The following LRP1B variants were observed in gnomAD, a reference collection of about 807,000 sequenced individuals.
The protein encoded by LRP1B is low-density lipoprotein receptor-related protein 1B.
A neutral mutation model predicts 556.6 loss-of-function variants in LRP1B; 217 were observed. The observed-to-expected ratio is 0.39, with a 90% CI of 0.35 to 0.44. LRP1B has a LOEUF of 0.44. Ranked by LOEUF, LRP1B falls within the 20% of genes least tolerant of loss-of-function variation. The probability of loss-of-function intolerance (pLI) is 1.00; values close to 1 mark genes in which losing one functional copy is unlikely to be tolerated. For synonymous variants in LRP1B, 2,047 were observed against 1,865.8 expected (o/e 1.10, Z -2.50); for missense variants, 5,053 against 5,620.8 (o/e 0.90, Z 3.23).
chr2:141,085,501 A>G (rs1048553850), intron 7 of LRP1B, among the ~76,000 whole-genome samples: 1 of 152,186 alleles, frequency 6.6e-6, no homozygotes, highest in African/African-American at 2.4e-5. Context: ...GAATGCACAC[A>G]CCGAGGAAAG....
chr2:141,096,118 TA>T (rs1480196856), intron 7 of LRP1B, among the ~76,000 whole-genome samples: 3 of 152,128 alleles, frequency 2.0e-5, no homozygotes, highest in African/African-American at 7.2e-5. Flanking sequence ...TCTTGAACGC[TA>T]AATATTTCTT....
At position 141,522,512 on chromosome 2, in the gene LRP1B, A is replaced by G. The variant is rs529024185; in HGVS notation, c.206-41979T>C. ...TATGAAGGTGCATCTTGAAGATCAG[A>G]TCGTATCTATATCTTGGCCTGGAAG... On this transcript the variant is annotated intron_variant, in intron 2 of 90. Transcript: ENST00000389484. 7.2e-5 allele frequency among the ~76,000 whole-genome samples: 11 copies of G among 152,270 alleles called. No homozygotes were observed. The South Asian group carries it at 2.1e-3, about 29-fold the overall frequency.
chr2:141,471,280 T>TG lies in LRP1B; in HGVS notation c.343+9115_343+9116insC, dbSNP rs1402224023. Among the ~76,000 whole-genome samples the TG allele has an allele frequency of 2.7e-3, 397 of 145,696 alleles. 1 individual carries two copies. The highest frequency in any genetic ancestry group is 6.3e-3 in the East Asian group (30 of 4,736). ...AATATACCCTGGTATTTTTTTTTTT[T>TG]TTTTTTTTTTTTTTACTCTCTTGCT... is the stretch of plus-strand genomic sequence containing the variant. On this transcript the variant is annotated intron_variant, in intron 3 of 90. Coordinates refer to ENST00000389484, the MANE Select transcript of LRP1B (RefSeq NM_018557.3).
intron 2 of LRP1B, among the ~76,000 whole-genome samples, chr2:141,723,445 T>C (rs1441932934): frequency 6.6e-6 from 1 of 151,514 alleles, no homozygotes; most frequent in Non-Finnish European, 1.5e-5. Flanking sequence ...ACTTAATTCT[T>C]TGGGTTCATT....
chr2:142,084,590 A>C (rs1705839734), intron 1 of LRP1B, among the ~76,000 whole-genome samples: 1 of 152,096 alleles, frequency 6.6e-6, no homozygotes, highest in Non-Finnish European at 1.5e-5. Flanking sequence ...CCAATCACCA[A>C]GTCCTATTAA....
At chr2:140,264,762 T>C (rs947744025) in intron 86 of LRP1B, among the ~76,000 whole-genome samples, 62 of 150,724 alleles carry the variant, frequency 4.1e-4, no homozygotes, top group African/African-American at 1.4e-3. Flanking sequence ...CCCACTGAAA[T>C]TTAATTTATT....
chr2:141,319,143 G>A (rs1351363798), intron 3 of LRP1B, among the ~76,000 whole-genome samples: 2 of 151,932 alleles, frequency 1.3e-5, no homozygotes, highest in African/African-American at 2.4e-5. Flanking sequence ...ACTATATTGT[G>A]TATTTGAGTA....
rs779646780 is a variant in LRP1B at position 140,234,832 on chromosome 2, G to A, written c.13613C>T (p.Pro4538Leu). The A allele has an allele frequency of 1.3e-6, 1 of 775,712 alleles. No individual in the cohort carries two copies. Among genetic ancestry groups the A allele is most frequent in the Middle Eastern group, 2.3e-4 (1 of 4,400 alleles). 48.1% of individuals were successfully genotyped at this position (775,712 alleles called of 1,614,324 possible). A position where few individuals can be genotyped will look rare whatever the true frequency, so the allele number is the denominator to read the frequency against. ...CAAATCAGAGTTTAGGTAGATGGGC[G>A]GCGCTGTGTGTGGAAGCTTGAAAGC... The part of the protein sequence containing the change: ...PSAFKLPHTA[P>L]PIYLNSDLKG... The change falls in exon 90 of 91, where the codon CCG becomes CTG. Residue 4538 changes from proline (P) to leucine (L), a missense_variant. Pro to Leu is a moderately conservative substitution (Grantham distance 98). Coordinates refer to ENST00000389484, the MANE Select transcript of LRP1B (RefSeq NM_018557.3).
At chr2:140,582,988 AATACT>A (rs1681832659) in intron 43 of LRP1B, among the ~76,000 whole-genome samples, 1 of 152,038 alleles carries the variant, frequency 6.6e-6, no homozygotes, top group South Asian at 2.1e-4. Flanking sequence ...CCTACAAATA[AATACT>A]AGGGTACTTT....
At chr2:140,633,583 T>C (rs1683970907) in intron 41 of LRP1B, among the ~76,000 whole-genome samples, 1 of 152,140 alleles carries the variant, frequency 6.6e-6, no homozygotes, top group African/African-American at 2.4e-5. Flanking sequence ...TACAGTGGAT[T>C]CATTTTTTTA....
intron 2 of LRP1B, among the ~76,000 whole-genome samples, chr2:141,637,115 G>T (rs567056980): frequency 6.6e-6 from 1 of 152,006 alleles, no homozygotes; most frequent in Non-Finnish European, 1.5e-5. Context: ...GACAGAAAAC[G>T]CACAGAGTTA....
intron 7 of LRP1B, among the ~76,000 whole-genome samples, chr2:141,105,303 G>T (rs552187772): frequency 2.6e-5 from 4 of 151,976 alleles, no homozygotes; most frequent in African/African-American, 9.6e-5. Context: ...TGAATTTTTG[G>T]TGCTTTGGAG....
At chr2:140,531,518 G>A (rs1690691803) in intron 47 of LRP1B, among the ~76,000 whole-genome samples, 2 of 152,236 alleles carry the variant, frequency 1.3e-5, no homozygotes, top group South Asian at 4.1e-4. Flanking sequence ...AAGTCACACT[G>A]TCTAAGATGG....
At chr2:140,645,533 CTTTTTTTTT>C (rs36082249) in intron 41 of LRP1B, among the ~76,000 whole-genome samples, 5 of 81,230 alleles carry the variant, frequency 6.2e-5, no homozygotes, top group African/African-American at 1.1e-4. Flanking sequence ...TGCCAATATT[CTTTTTTTTT>C]TTTTTTTTTT....
At chr2:141,596,315 C>T (rs1226704407) in intron 2 of LRP1B, among the ~76,000 whole-genome samples, 1 of 151,842 alleles carries the variant, frequency 6.6e-6, no homozygotes, top group Non-Finnish European at 1.5e-5. Flanking sequence ...AAATAAATTA[C>T]TTGACAAAAA....
chr2:141,984,342 A>T (rs1702125236), intron 1 of LRP1B, among the ~76,000 whole-genome samples: 1 of 148,858 alleles, frequency 6.7e-6, no homozygotes, highest in South Asian at 2.2e-4. Context: ...AAAAAAAAGA[A>T]TAAAGTTTGA....
At chr2:141,126,270 G>T (rs1348613453) in intron 7 of LRP1B, among the ~76,000 whole-genome samples, 6 of 152,124 alleles carry the variant, frequency 3.9e-5, no homozygotes, top group Non-Finnish European at 5.9e-5. Flanking sequence ...CTCACCTCAG[G>T]TGATGCACCC....
chr2:140,672,100 A>G (rs914449126), intron 41 of LRP1B, among the ~76,000 whole-genome samples: 1 of 152,218 alleles, frequency 6.6e-6, no homozygotes, highest in African/African-American at 2.4e-5. Context: ...AAAACTAGAA[A>G]ATAAGTTATC....
intron 3 of LRP1B, among the ~76,000 whole-genome samples, chr2:141,343,415 C>T (rs1303039930): frequency 2.0e-5 from 3 of 152,102 alleles, no homozygotes; most frequent in African/African-American, 7.2e-5. Context: ...ATCAAATTTT[C>T]TTGCTTTTTT....
Sources: allele counts gnomAD v4.1 joint callset (sites outside exome capture counted in the v4.1 genomes callset), GRCh38; gene constraint gnomAD v4.1.1; transcripts MANE v1.5; gene names NCBI Gene and HGNC (gene_info 2026-07-23, HGNC 2026-07-21).